Variants in RBPMS observed in about 807,000 individuals in gnomAD.
RBPMS encodes the protein RNA binding protein, mRNA processing factor, also known as RNA-binding protein with multiple splicing.
RBPMS carries 7 observed loss-of-function variants against 26.8 expected under a neutral mutation model. That is an observed-to-expected ratio of 0.26 (90% CI 0.15 to 0.49). RBPMS has a LOEUF of 0.49. Among genes scored for constraint, RBPMS ranks in the 20% least tolerant of loss-of-function variants. The pLI is 0.98. For synonymous variants in RBPMS, 96 were observed against 93.3 expected (o/e 1.03, Z -0.17); for missense variants, 186 against 250.0 (o/e 0.74, Z 1.73).
intron 1 of RBPMS, among the ~76,000 whole-genome samples, chr8:30,440,281 G>T (rs548942024): frequency 3.3e-5 from 5 of 152,048 alleles, no homozygotes; most frequent in African/African-American, 1.2e-4. Flanking sequence ...TCACATTGTT[G>T]CTCCACAACT....
At chr8:30,416,406 A>C (rs1448039607) in intron 1 of RBPMS, among the ~76,000 whole-genome samples, 1 of 151,850 alleles carries the variant, frequency 6.6e-6, no homozygotes, top group African/African-American at 2.4e-5. Flanking sequence ...ATCTCTGCCC[A>C]CTGCAACCTC....
intron 5 of RBPMS, among the ~76,000 whole-genome samples, chr8:30,509,606 C>T (rs1238857508): frequency 6.6e-6 from 1 of 152,182 alleles, no homozygotes; most frequent in Non-Finnish European, 1.5e-5. Flanking sequence ...TGGTACAGAG[C>T]CCTGGTGCCT....
intron 5 of RBPMS, among the ~76,000 whole-genome samples, chr8:30,513,587 CAAAAAAAAAAAAAAAAAA>C (rs56184994): frequency 9.2e-6 from 1 of 108,520 alleles, no homozygotes; most frequent in Non-Finnish European, 1.9e-5. Flanking sequence ...GACTCCATCT[CAAAAAAAAAAAAAAAAAA>C]AAAAAAAAAA....
intron 4 of RBPMS, among the ~76,000 whole-genome samples, chr8:30,481,202 G>A (rs1818234273): frequency 6.6e-6 from 1 of 152,230 alleles, no homozygotes; most frequent in Non-Finnish European, 1.5e-5. Context: ...CTGGACTCAA[G>A]TGATTCTCCC....
chr8:30,434,207 C>T (rs1812214807), intron 1 of RBPMS, among the ~76,000 whole-genome samples: 1 of 152,140 alleles, frequency 6.6e-6, no homozygotes, highest in African/African-American at 2.4e-5. Context: ...GAAGGAGCTA[C>T]ACTAGATAGT....
chr8:30,409,988 T>G (rs556306666), intron 1 of RBPMS, among the ~76,000 whole-genome samples: 1 of 152,298 alleles, frequency 6.6e-6, no homozygotes, highest in Admixed American at 6.5e-5. Context: ...GCTCAGTTTT[T>G]TAAAAGACAA....
At chr8:30,547,574 T>C in intron 6 of RBPMS, 1 of 1,149,600 alleles carries the variant, frequency 8.7e-7, no homozygotes, top group African/African-American at 1.6e-5. Flanking sequence ...GGAGCAAAGG[T>C]GTTACTCTCT....
At chr8:30,536,333 GC>G in intron 5 of RBPMS, among the ~76,000 whole-genome samples, 1 of 152,166 alleles carries the variant, frequency 6.6e-6, no homozygotes, top group African/African-American at 2.4e-5. Flanking sequence ...CTCCATGTTG[GC>G]CAGGCTGGTC....
chr8:30,464,749 C>CA (rs746995505), intron 1 of RBPMS, among the ~76,000 whole-genome samples: 1 of 151,996 alleles, frequency 6.6e-6, no homozygotes, highest in African/African-American at 2.4e-5. Context: ...CCAGATTATG[C>CA]AAAAAGAGAA....
intron 1 of RBPMS, among the ~76,000 whole-genome samples, chr8:30,385,573 G>T (rs1251114487): frequency 6.6e-6 from 1 of 152,054 alleles, no homozygotes; most frequent in Non-Finnish European, 1.5e-5. Flanking sequence ...GAAAGTTCTC[G>T]TTAAAAGATA....
chr8:30,421,501 C>T lies in RBPMS; in HGVS notation c.66+36343C>T, dbSNP rs114770693. Among the ~76,000 whole-genome samples, 406 of 152,256 alleles carry T rather than the reference C, an allele frequency of 2.7e-3. 3 individuals carry two copies. The highest frequency in any genetic ancestry group is 9.5e-3 in the African/African-American group (396 of 41,550). ...TTATTAAAAATTCCTTAAGTACAAA[C>T]ATCATTTTCAAATATCATATTTAGT... On this transcript the variant is annotated intron_variant, in intron 1 of 8. Transcript: ENST00000397323.
chr8:30,519,844 T>A (rs1478708688), intron 5 of RBPMS, among the ~76,000 whole-genome samples: 1 of 152,144 alleles, frequency 6.6e-6, no homozygotes, highest in Non-Finnish European at 1.5e-5. Context: ...CCAGCCTTCC[T>A]GGGAAAAGAT....
intron 4 of RBPMS, among the ~76,000 whole-genome samples, chr8:30,485,680 G>A (rs922775067): frequency 1.3e-5 from 2 of 152,130 alleles, no homozygotes; most frequent in Admixed American, 6.5e-5. Context: ...ACAAACAGCC[G>A]TGTCCAGTGA....
At position 30,443,587 on chromosome 8, in the gene RBPMS, G is replaced by GTT. The variant is rs57370333; in HGVS notation, c.67-31185_67-31184dup. On this transcript the variant is annotated intron_variant, in intron 1 of 8. Coordinates refer to ENST00000397323, the MANE Select transcript of RBPMS (RefSeq NM_001008710.3). ...TCGGATGTGCTTAAAAATCTTTCAG[G>GTT]TTTTTTTTGTTTTGTTTTTGTTTTT... is the stretch of plus-strand genomic sequence containing the variant. Among the ~76,000 whole-genome samples, 110 of 151,402 alleles carry GTT rather than the reference G, an allele frequency of 7.3e-4. 2 individuals are homozygous for GTT. Among genetic ancestry groups the GTT allele is most frequent in the Non-Finnish European group, 4.7e-4 (32 of 67,910 alleles).
rs1053859632 is a variant in RBPMS at position 30,518,784 on chromosome 8, G to C, written c.397+14348G>C. ...CACCACATGCCAAATACAGGCACAT[G>C]CATACATTATCGTTAACCCCTCCTG... On this transcript the variant is annotated intron_variant, in intron 5 of 8. Transcript: ENST00000397323. 3.1e-5 allele frequency among the ~76,000 whole-genome samples: 4 copies of C among 130,546 alleles called. No homozygotes were observed. The Admixed American group carries it at 3.7e-4, about 12-fold the overall frequency. The allele number at this position is 130,546 out of a possible 152,430, so 85.6% of individuals were successfully genotyped here.
At chr8:30,473,172 C>G (rs566152236) in intron 1 of RBPMS, among the ~76,000 whole-genome samples, 9 of 152,184 alleles carry the variant, frequency 5.9e-5, no homozygotes, top group Admixed American at 5.9e-4. Context: ...TGTGTTTGAC[C>G]CTAAGCTTCT....
chr8:30,565,009 G>A (rs1827786818), intron 7 of RBPMS: 1 of 152,190 alleles, frequency 6.6e-6, no homozygotes, highest in Non-Finnish European at 1.5e-5. Flanking sequence ...CAGCCTCCCG[G>A]GAAATGTGGC....
intron 6 of RBPMS, among the ~76,000 whole-genome samples, chr8:30,550,818 G>C (rs897847254): frequency 1.3e-5 from 2 of 152,190 alleles, no homozygotes; most frequent in African/African-American, 4.8e-5. Context: ...AATACATCCG[G>C]GGTGGAGGGG....
At chr8:30,512,823 C>T (rs1821860740) in intron 5 of RBPMS, among the ~76,000 whole-genome samples, 2 of 152,200 alleles carry the variant, frequency 1.3e-5, no homozygotes. Flanking sequence ...CCTCCTTAAG[C>T]TCTAGGAAAC....
Sources: allele counts gnomAD v4.1 joint callset (sites outside exome capture counted in the v4.1 genomes callset), GRCh38; gene constraint gnomAD v4.1.1; transcripts MANE v1.5; gene names NCBI Gene and HGNC (gene_info 2026-07-23, HGNC 2026-07-21).